POLR2F: variants seen among roughly 807,000 people sequenced by gnomAD.
POLR2F encodes the protein RNA polymerase II, I and III subunit F, also known as DNA-directed RNA polymerases I, II, and III subunit RPABC2.
POLR2F carries 12 observed loss-of-function variants against 22.7 expected under a neutral mutation model. That is an observed-to-expected ratio of 0.53 (90% confidence interval 0.34 to 0.86). POLR2F has a LOEUF of 0.86. POLR2F is among the 40% of genes least tolerant of loss of function. The probability of loss-of-function intolerance (pLI) is 0.02; values close to 1 mark genes in which losing one functional copy is unlikely to be tolerated. For missense variants in POLR2F, 126 were observed against 171.5 expected, an observed-to-expected ratio of 0.73 and a Z score of 1.48; for synonymous variants, 57 against 66.0, an observed-to-expected ratio of 0.86 and a Z score of 0.66.
intron 1 of POLR2F, among the ~76,000 whole-genome samples, chr22:37,993,771 C>T (rs1425137725): frequency 1.3e-5 from 2 of 152,116 alleles, no homozygotes; most frequent in South Asian, 2.1e-4. Flanking sequence ...AGGTGGATCA[C>T]GAGGTCAGGA....
chr22:37,965,991 T>C (rs1601871881), intron 3 of POLR2F, among the ~76,000 whole-genome samples: 1 of 152,178 alleles, frequency 6.6e-6, no homozygotes, highest in Non-Finnish European at 1.5e-5. Context: ...CCAAGTGTTA[T>C]GCTGGGGGCT....
chr22:37,987,544 G>T, intron 1 of POLR2F: 1 of 352,264 alleles, frequency 2.8e-6, no homozygotes, highest in Non-Finnish European at 5.6e-6. Flanking sequence ...CTCCCTCCCT[G>T]CCTGCCCTGA....
intron 5 of POLR2F, among the ~76,000 whole-genome samples, chr22:38,038,413 G>A (rs1385912249): frequency 1.3e-5 from 2 of 152,186 alleles, no homozygotes; most frequent in Admixed American, 6.5e-5. Context: ...GGCTCTGGCC[G>A]GGTCACAGGG....
At chr22:38,015,633 C>T (rs1318341036) in intron 1 of POLR2F, among the ~76,000 whole-genome samples, 1 of 152,138 alleles carries the variant, frequency 6.6e-6, no homozygotes, top group African/African-American at 2.4e-5. Context: ...TCTGTAAATG[C>T]AGCTATGTGA....
In POLR2F at chr22:37,986,253, C is replaced by T. The variant is rs764584100; in HGVS notation, c.63C>T (p.Val21=). The T allele has an allele frequency of 8.8e-5, 135 of 1,539,984 alleles. No homozygotes were observed. The African/African-American group carries it at 1.4e-3, about 16-fold the overall frequency. Residue 21 remains valine (V), a synonymous_variant, in exon 1 of 3, where the codon GTC becomes GTT. Coordinates refer to the POLR2F transcript ENST00000333418. This position sits in a 1 kb window ranked among gnomAD's most constrained non-coding sequence, Gnocchi z 4.7. Reference sequence around the variant, plus strand: ...CGTCGTGTCCCGGCTGCCCTGCAGTCGCCTCCAACACCCGCTGCTGCCCGC... The same window carrying T: ...CGTCGTGTCCCGGCTGCCCTGCAGTTGCCTCCAACACCCGCTGCTGCCCGC...
Position 37,977,931 on chromosome 22 carries a change from G to C in POLR2F, c.293+10761G>C, listed in dbSNP as rs1932271323. On this transcript the variant is annotated intron_variant, in intron 4 of 4. Transcript: ENST00000405557. Reference sequence around the variant, plus strand: ...CCTCTCCTGGGTGCCGGTGGTCCAAGTGGGCGCTCTTGTAGTGGGCCTGGA... The same window carrying C: ...CCTCTCCTGGGTGCCGGTGGTCCAACTGGGCGCTCTTGTAGTGGGCCTGGA... 1.2e-6 allele frequency: 2 copies of C among 1,612,904 alleles called. No homozygotes were observed. The highest frequency in any genetic ancestry group is 1.7e-6 in the Non-Finnish European group (2 of 1,179,912).
upstream of POLR2F, chr22:37,983,991 C>T (rs1325845300): frequency 2.7e-5 from 9 of 339,228 alleles, 1 homozygote; most frequent in East Asian, 3.5e-4. This position sits in a 1 kb window ranked among gnomAD's most constrained non-coding sequence, Gnocchi z 9.5. Context: ...CATCTGGCCC[C>T]TGGGGCCCAC....
chr22:37,975,896 C>T (rs1422865646), intron 4 of POLR2F, among the ~76,000 whole-genome samples: 1 of 152,034 alleles, frequency 6.6e-6, no homozygotes, highest in Non-Finnish European at 1.5e-5. Flanking sequence ...GGATCTCACA[C>T]AGACTTCTTG....
At chr22:38,008,074 T>C (rs895074307) in intron 1 of POLR2F, among the ~76,000 whole-genome samples, 4 of 152,120 alleles carry the variant, frequency 2.6e-5, no homozygotes, top group African/African-American at 9.7e-5. Context: ...ATCCCGTCTC[T>C]ACTAAAAATA....
In POLR2F at chr22:37,986,708, G is replaced by A. The variant is rs779081091; in HGVS notation, c.120+396G>A. The A allele has an allele frequency of 3.2e-5, 16 of 506,956 alleles. No homozygotes were observed. The highest frequency in any genetic ancestry group is 1.6e-4 in the Admixed American group (7 of 43,944). 31.4% of individuals were successfully genotyped at this position (506,956 alleles called of 1,614,324 possible). A position where few individuals can be genotyped will look rare whatever the true frequency, so the allele number is the denominator to read the frequency against. On this transcript the variant is annotated intron_variant, in intron 1 of 2. Transcript: ENST00000333418. This position sits in a 1 kb window ranked among gnomAD's most constrained non-coding sequence, Gnocchi z 4.7. Reference sequence around the variant, plus strand: ...GGTGAGGCAGGTGGGCCTGCAGGGCGGGTGGGAAGGGCTGTCAGATGACCA... The same window carrying A: ...GGTGAGGCAGGTGGGCCTGCAGGGCAGGTGGGAAGGGCTGTCAGATGACCA...
At chr22:37,955,014 C>T (rs913855210) in intron 1 of POLR2F, among the ~76,000 whole-genome samples, 2 of 151,932 alleles carry the variant, frequency 1.3e-5, no homozygotes, top group Non-Finnish European at 2.9e-5. Flanking sequence ...GATTTAGCAA[C>T]GTGGAGATCA....
chr22:38,029,798 G>A (rs374479861), downstream of POLR2F, among the ~76,000 whole-genome samples: 1 of 152,196 alleles, frequency 6.6e-6, no homozygotes, highest in African/African-American at 2.4e-5. Context: ...GGGTTTCCCA[G>A]GGTCTTAGCC....
In POLR2F at chr22:38,021,101, G is replaced by A. The variant is rs139853775; in HGVS notation, c.121-4768G>A. Among the ~76,000 whole-genome samples the A allele has an allele frequency of 1.8e-4, 27 of 152,266 alleles. No homozygotes were observed. In the East Asian group the frequency reaches 4.8e-3, roughly 27 times the overall value. On this transcript the variant is annotated intron_variant, in intron 1 of 2. Transcript: ENST00000333418. ...GTCCCACGTGGACCTTTCCTGGGGCGCACACTGCTTCTGAGGGGAAGACAG... is the reference window on the plus strand; with the variant it reads ...GTCCCACGTGGACCTTTCCTGGGGCACACACTGCTTCTGAGGGGAAGACAG...
chr22:38,029,025 A>G (rs2085041504), downstream of POLR2F, among the ~76,000 whole-genome samples: 1 of 152,136 alleles, frequency 6.6e-6, no homozygotes, highest in African/African-American at 2.4e-5. Flanking sequence ...AGAGGAGTCC[A>G]CAGTCTGAGA....
intron 1 of POLR2F, among the ~76,000 whole-genome samples, chr22:38,024,186 G>C (rs2084986157): frequency 6.6e-6 from 1 of 151,930 alleles, no homozygotes; most frequent in African/African-American, 2.4e-5. Flanking sequence ...TCAGAAAAAT[G>C]GAATCATATA....
chr22:37,986,677 G>A lies in POLR2F; in HGVS notation c.120+365G>A, dbSNP rs1234841072. The A allele has an allele frequency of 5.5e-6, 3 of 549,712 alleles. No homozygotes were observed. Among genetic ancestry groups the A allele is most frequent in the Admixed American group, 4.4e-5 (2 of 45,208 alleles). 34.1% of individuals were successfully genotyped at this position (549,712 alleles called of 1,614,324 possible). A position where few individuals can be genotyped will look rare whatever the true frequency, so the allele number is the denominator to read the frequency against. ...GCTGTGCTGGGCTTTTTGCTGAGCA[G>A]TGTTGGGTGAGGCAGGTGGGCCTGC... is the stretch of plus-strand genomic sequence containing the variant. On this transcript the variant is annotated intron_variant, in intron 1 of 2. Transcript: ENST00000333418. This position sits in a 1 kb window ranked among gnomAD's most constrained non-coding sequence, Gnocchi z 4.7.
chr22:38,021,250 G>A (rs1404669459), intron 1 of POLR2F, among the ~76,000 whole-genome samples: 3 of 152,168 alleles, frequency 2.0e-5, no homozygotes, highest in South Asian at 2.1e-4. Context: ...GGGACGGTGC[G>A]TATGTGTTGA....
At chr22:38,025,451 T>C (rs1200893830) in intron 1 of POLR2F, 64 of 1,318,988 alleles carry the variant, frequency 4.9e-5, no homozygotes, top group Non-Finnish European at 5.6e-5. Flanking sequence ...CTGATTCATA[T>C]ACACACACGT....
chr22:37,954,459 C>G (rs750057325), intron 1 of POLR2F, among the ~76,000 whole-genome samples: 6 of 152,246 alleles, frequency 3.9e-5, no homozygotes, highest in Non-Finnish European at 7.4e-5. Context: ...TGCACCACCA[C>G]GCCTTGCTAA....
Sources: allele counts gnomAD v4.1 joint callset (sites outside exome capture counted in the v4.1 genomes callset), GRCh38; gene constraint gnomAD v4.1.1; non-coding constraint Gnocchi (gnomAD v3.1); transcripts MANE v1.5; gene names NCBI Gene and HGNC (gene_info 2026-07-23, HGNC 2026-07-21).